Variants in USP6NL observed in about 807,000 individuals in gnomAD.
The protein encoded by USP6NL is USP6 N-terminal-like protein.
In USP6NL, 26 loss-of-function variants were observed where a neutral mutation model predicts 61.9. The observed-to-expected ratio is 0.42, with a 90% CI of 0.31 to 0.58. The LOEUF (loss-of-function observed/expected upper bound fraction) is 0.58. Ranked by LOEUF, USP6NL falls within the 20% of genes least tolerant of loss-of-function variation. USP6NL has a pLI of 0.16. For missense variants in USP6NL, 1,114 were observed against 1,034.3 expected (o/e 1.08, Z -1.06); for synonymous variants, 432 against 390.1 (o/e 1.11, Z -1.27).
At chr10:11,522,454 T>C (rs934718027) in intron 4 of USP6NL, among the ~76,000 whole-genome samples, 1 of 152,194 alleles carries the variant, frequency 6.6e-6, no homozygotes, top group Non-Finnish European at 1.5e-5. Flanking sequence ...TGACAAGCAA[T>C]AAAAACCACT....
chr10:11,594,955 G>T (rs1254614808), intron 2 of USP6NL, among the ~76,000 whole-genome samples: 1 of 152,204 alleles, frequency 6.6e-6, no homozygotes, highest in Non-Finnish European at 1.5e-5. Context: ...GAGGCAGGCA[G>T]AGTGCTATGG....
chr10:11,510,629 G>T lies in USP6NL; in HGVS notation c.196-954C>A, dbSNP rs1415448406. On this transcript the variant is annotated intron_variant, in intron 5 of 14. Transcript: ENST00000609104. This position sits in a 1 kb window ranked among gnomAD's most constrained non-coding sequence, Gnocchi z 4.8. ...AAGGAATATTTTTTCCTAAGTACCT[G>T]GGCCCATGAGTAGTAAGTATATGAA... 7.1e-6 allele frequency among the ~76,000 whole-genome samples: 1 copy of T among 140,948 alleles called. No individual in the cohort carries two copies. The highest frequency in any genetic ancestry group is 3.0e-4 in the East Asian group (1 of 3,306). The allele number at this position is 140,948 out of a possible 152,430, so 92.5% of individuals were successfully genotyped here. A position where few individuals can be genotyped will look rare whatever the true frequency, so the allele number is the denominator to read the frequency against.
In USP6NL at chr10:11,481,689, C is replaced by G; in HGVS notation, c.1078+81G>C. ...ACAAGTATAATGCTTACGCTGTGGG[C>G]AAGAAACAGCCCATGTTAATTATGC... is the stretch of plus-strand genomic sequence containing the variant. On this transcript the variant is annotated intron_variant, in intron 14 of 14. Transcript: ENST00000609104. The surrounding 1 kb of genome is among the most constrained non-coding windows in gnomAD (Gnocchi z 4.4). 7.0e-7 allele frequency: 1 copy of G among 1,430,778 alleles called. No homozygotes were observed. The highest frequency in any genetic ancestry group is 9.3e-7 in the Non-Finnish European group (1 of 1,073,806). The allele number at this position is 1,430,778 out of a possible 1,614,324, so 88.6% of individuals were successfully genotyped here. A position where few individuals can be genotyped will look rare whatever the true frequency, so the allele number is the denominator to read the frequency against.
In USP6NL at chr10:11,463,366, C is replaced by T; in HGVS notation, c.1562G>A (p.Gly521Asp). ...AHPALAVTVP[G>D]PAEVRVSNVR... ...GTTTGACACCCGCACCTCGGCAGGACCTGGGACGGTAACTGCGAGCGCGGG... is the reference window on the plus strand; with the variant it reads ...GTTTGACACCCGCACCTCGGCAGGATCTGGGACGGTAACTGCGAGCGCGGG... Residue 521 changes from glycine (G) to aspartate (D), a missense_variant, in exon 15 of 15, where the codon GGT (glycine) becomes GAT (aspartate). Gly to Asp is a moderately conservative substitution (Grantham distance 94). Transcript: ENST00000609104. This position sits in a 1 kb window ranked among gnomAD's most constrained non-coding sequence, Gnocchi z 6.3. 2 of 1,613,994 alleles carry T rather than the reference C, an allele frequency of 1.2e-6. No homozygotes were observed. The highest frequency in any genetic ancestry group is 1.7e-6 in the Non-Finnish European group (2 of 1,179,894).
chr10:11,566,660 G>A (rs1566185888), intron 2 of USP6NL, among the ~76,000 whole-genome samples: 1 of 152,218 alleles, frequency 6.6e-6, no homozygotes, highest in Non-Finnish European at 1.5e-5. Flanking sequence ...TGGCTATTGA[G>A]TACTTAATAT....
At chr10:11,605,960 G>T (rs1838693614) in intron 1 of USP6NL, among the ~76,000 whole-genome samples, 1 of 152,298 alleles carries the variant, frequency 6.6e-6, no homozygotes, top group Non-Finnish European at 1.5e-5. Flanking sequence ...TCTGAAGAGA[G>T]AGTGGCTGAG....
rs1014312726 is a variant in USP6NL, at chr10:11,513,614, G to C, written c.196-3939C>G. 6.6e-6 allele frequency among the ~76,000 whole-genome samples: 1 copy of C among 152,156 alleles called. No individual in the cohort carries two copies. Among genetic ancestry groups the C allele is most frequent in the Non-Finnish European group, 1.5e-5 (1 of 68,028 alleles). On this transcript the variant is annotated intron_variant, in intron 5 of 14. Coordinates refer to ENST00000609104, the MANE Select transcript of USP6NL (RefSeq NM_014688.5). The surrounding 1 kb of genome is among the most constrained non-coding windows in gnomAD (Gnocchi z 4.7). Reference sequence around the variant, plus strand: ...ACTATTTAGGTTTTTAGGGGGAACTGATCATTAGACAATCACGACATGAAT... The same window carrying C: ...ACTATTTAGGTTTTTAGGGGGAACTCATCATTAGACAATCACGACATGAAT...
In USP6NL at chr10:11,499,189, G is replaced by A. The variant is rs1834070952; in HGVS notation, c.384+1912C>T. Among the ~76,000 whole-genome samples, 1 of 152,172 alleles carries A rather than the reference G, an allele frequency of 6.6e-6. No homozygotes were observed. The highest frequency in any genetic ancestry group is 2.4e-5 in the African/African-American group (1 of 41,438). ...GAGGATGTGTGGAGAGAGAGAGAAA[G>A]AGTGGATGAGAAAGGAAAAAAAAGT... On this transcript the variant is annotated intron_variant, in intron 7 of 14. Coordinates refer to ENST00000609104, the MANE Select transcript of USP6NL (RefSeq NM_014688.5). This position sits in a 1 kb window ranked among gnomAD's most constrained non-coding sequence, Gnocchi z 4.5.
intron 2 of USP6NL, chr10:11,565,538 A>T (rs1307095678): frequency 6.6e-6 from 1 of 151,952 alleles, no homozygotes; most frequent in Non-Finnish European, 1.5e-5. Context: ...GCTACTTGGG[A>T]GGCTGAGGCA....
In USP6NL at chr10:11,470,961, G is replaced by A. The variant is rs1484218131; in HGVS notation, c.1079-7112C>T. 2.0e-5 allele frequency among the ~76,000 whole-genome samples: 3 copies of A among 152,104 alleles called. No homozygotes were observed. The highest frequency in any genetic ancestry group is 1.9e-4 in the East Asian group (1 of 5,176). The stretch of plus-strand genomic sequence containing the variant: ...AGCACTTTGGGAGGCCGAGGTGGGC[G>A]GATCACGAGGTCAGGAGATGGAGAC... On this transcript the variant is annotated intron_variant, in intron 14 of 14. Transcript: ENST00000609104. The surrounding 1 kb of genome is among the most constrained non-coding windows in gnomAD (Gnocchi z 5.4).
At chr10:11,576,686 A>G (rs769124223) in intron 2 of USP6NL, among the ~76,000 whole-genome samples, 12 of 152,216 alleles carry the variant, frequency 7.9e-5, no homozygotes, top group Non-Finnish European at 1.6e-4. Context: ...CCAGCTTATG[A>G]TATTTTGTTA....
chr10:11,509,427 G>A (rs117733091), intron 6 of USP6NL, among the ~76,000 whole-genome samples, 168 bp downstream of exon 6: 5,442 of 152,220 alleles, frequency 0.036, 129 homozygotes, highest in Non-Finnish European at 0.051. Flanking sequence ...CGGGTATTAC[G>A]TTACTTACAA....
Position 11,537,809 on chromosome 10 carries a change from C to G in USP6NL, c.5-10242G>C, listed in dbSNP as rs1835890626. Among the ~76,000 whole-genome samples, 1 of 152,154 alleles carries G rather than the reference C, an allele frequency of 6.6e-6. No homozygotes were observed. The highest frequency in any genetic ancestry group is 1.5e-5 in the Non-Finnish European group (1 of 68,024). On this transcript the variant is annotated intron_variant, in intron 2 of 14. Coordinates refer to ENST00000609104, the MANE Select transcript of USP6NL (RefSeq NM_014688.5). This position sits in a 1 kb window ranked among gnomAD's most constrained non-coding sequence, Gnocchi z 5.1. ...ACCTGCTGGCCTCTGGGTGTGCCCACTTGTAATGCTATTGCCCAAATGATT... is the reference window on the plus strand; with the variant it reads ...ACCTGCTGGCCTCTGGGTGTGCCCAGTTGTAATGCTATTGCCCAAATGATT...
In USP6NL at chr10:11,598,159, G is replaced by A. The variant is rs1838390858; in HGVS notation, c.-83-442C>T. Among the ~76,000 whole-genome samples, 1 of 152,130 alleles carries A rather than the reference G, an allele frequency of 6.6e-6. No homozygotes were observed. The highest frequency in any genetic ancestry group is 1.5e-5 in the Non-Finnish European group (1 of 68,022). Reference sequence around the variant, plus strand: ...AAGGATCAGCAAAGTTATTGCTATAGACTTTCTCTAGCAATGAATATTTTC... The same window carrying A: ...AAGGATCAGCAAAGTTATTGCTATAAACTTTCTCTAGCAATGAATATTTTC... On this transcript the variant is annotated intron_variant, in intron 1 of 14. Transcript: ENST00000609104. This position sits in a 1 kb window ranked among gnomAD's most constrained non-coding sequence, Gnocchi z 4.7.
In USP6NL at chr10:11,481,743, G is replaced by C. The variant is rs1566122765; in HGVS notation, c.1078+27C>G. 1 of 1,574,094 alleles carries C rather than the reference G, an allele frequency of 6.4e-7. No individual in the cohort carries two copies. Among genetic ancestry groups the C allele is most frequent in the East Asian group, 2.3e-5 (1 of 44,444 alleles). The stretch of plus-strand genomic sequence containing the variant: ...GTCTTCCAATCTTAATTATAACGTA[G>C]ATATAAAGTATTGGGGTAATTCTTA... On this transcript the variant is annotated intron_variant, in intron 14 of 14. Transcript: ENST00000609104. This position sits in a 1 kb window ranked among gnomAD's most constrained non-coding sequence, Gnocchi z 4.4.
chr10:11,462,597 G>T lies in USP6NL; in HGVS notation c.2331C>A (p.Leu777=). Residue 777 remains leucine (L), a synonymous_variant, in exon 15 of 15, where the codon CTC becomes CTA. Coordinates refer to ENST00000609104, the MANE Select transcript of USP6NL (RefSeq NM_014688.5). Reference sequence around the variant, plus strand: ...CGGGACTATCTACAGAAACTGCAGGGAGGCCATGGTCCTGAAAGGGTGCGA... The same window carrying T: ...CGGGACTATCTACAGAAACTGCAGGTAGGCCATGGTCCTGAAAGGGTGCGA... ...FQLAPFQDHG[L]PAVSVDSPVR... The T allele has an allele frequency of 6.2e-7, 1 of 1,614,036 alleles. No individual in the cohort carries two copies. Among genetic ancestry groups the T allele is most frequent in the Non-Finnish European group, 8.5e-7 (1 of 1,179,894 alleles).
At chr10:11,556,586 T>C (rs1404111364) in intron 2 of USP6NL, among the ~76,000 whole-genome samples, 1 of 152,174 alleles carries the variant, frequency 6.6e-6, no homozygotes, top group African/African-American at 2.4e-5. Flanking sequence ...GAAAGTTATA[T>C]ATACCATGTA....
At chr10:11,479,222 G>A (rs1057068038) in intron 14 of USP6NL, among the ~76,000 whole-genome samples, 1 of 152,170 alleles carries the variant, frequency 6.6e-6, no homozygotes, top group African/African-American at 2.4e-5. Context: ...AGAAGCCATA[G>A]GGAAAGCTGT....
chr10:11,556,488 T>A (rs1333132089), intron 2 of USP6NL, among the ~76,000 whole-genome samples: 1 of 151,962 alleles, frequency 6.6e-6, no homozygotes, highest in Non-Finnish European at 1.5e-5. Context: ...GGCAATCAGA[T>A]TAAATGTAAA....
Sources: gnomAD v4.1 joint callset for allele counts (sites outside exome capture counted in the v4.1 genomes callset) on GRCh38, gnomAD v4.1.1 for gene constraint, Gnocchi (gnomAD v3.1) non-coding constraint, MANE v1.5 for transcripts, NCBI Gene and HGNC (gene_info 2026-07-23, HGNC 2026-07-21) for gene names.